LRRC1: variants seen among roughly 807,000 people sequenced by gnomAD.
LRRC1 encodes leucine-rich repeat-containing protein 1.
LRRC1 carries 28 observed loss-of-function variants against 69.9 expected under a neutral mutation model. The ratio of observed to expected loss-of-function variants is 0.40; its 90% CI spans 0.30 to 0.55. The LOEUF (loss-of-function observed/expected upper bound fraction) is 0.55. LRRC1 is among the 20% of genes least tolerant of loss of function. LRRC1 has a pLI of 0.47. For synonymous variants in LRRC1, 236 were observed against 240.2 expected (o/e 0.98, Z 0.16); for missense variants, 498 against 609.0 (o/e 0.82, Z 1.92).
At chr6:53,873,559 A>G (rs903018236) in intron 2 of LRRC1, among the ~76,000 whole-genome samples, 11 of 151,168 alleles carry the variant, frequency 7.3e-5, no homozygotes, top group African/African-American at 2.4e-4. Flanking sequence ...TCAGCCTCCC[A>G]AAGCGCTGGG....
In LRRC1 at chr6:53,922,843, G is replaced by T; in HGVS notation, c.*50G>T. On this transcript the variant is annotated 3_prime_UTR_variant, in exon 14 of 14. Coordinates refer to ENST00000370888, the MANE Select transcript of LRRC1 (RefSeq NM_018214.5). ...CTGTGTCTTCCTCTGCTGTCGAGAC[G>T]TTCCTGTCTGCTTCCCGGGAGCCTC... The T allele has an allele frequency of 3.8e-6, 6 of 1,567,256 alleles. No individual in the cohort carries two copies. The highest frequency in any genetic ancestry group is 5.2e-6 in the Non-Finnish European group (6 of 1,148,296).
intron 1 of LRRC1, among the ~76,000 whole-genome samples, chr6:53,796,343 A>G (rs953192165): frequency 6.6e-6 from 1 of 152,210 alleles, no homozygotes; most frequent in African/African-American, 2.4e-5. Flanking sequence ...GAACTTAGCT[A>G]GAGTAACCCC....
chr6:53,836,914 C>T (rs1320298120), intron 1 of LRRC1, among the ~76,000 whole-genome samples: 1 of 152,116 alleles, frequency 6.6e-6, no homozygotes, highest in African/African-American at 2.4e-5. Flanking sequence ...TTTATTGCCT[C>T]TGTATGCATC....
chr6:53,847,478 A>G (rs540138956), intron 2 of LRRC1, among the ~76,000 whole-genome samples: 1 of 152,336 alleles, frequency 6.6e-6, no homozygotes, highest in Non-Finnish European at 1.5e-5. Context: ...CTGCAGATAG[A>G]AAAAAACATG....
chr6:53,903,750 A>C (rs896699844), intron 9 of LRRC1, among the ~76,000 whole-genome samples: 5 of 152,140 alleles, frequency 3.3e-5, no homozygotes, highest in African/African-American at 1.2e-4. Flanking sequence ...GTGTGGTGGG[A>C]GTTACCAAAT....
intron 1 of LRRC1, among the ~76,000 whole-genome samples, chr6:53,799,339 C>T (rs1562020259): frequency 6.6e-6 from 1 of 152,196 alleles, no homozygotes; most frequent in Non-Finnish European, 1.5e-5. Flanking sequence ...AAAACATAAC[C>T]TCCATGAGTG....
intron 9 of LRRC1, among the ~76,000 whole-genome samples, chr6:53,903,601 TTCTC>T (rs1768136581): frequency 6.6e-6 from 1 of 151,920 alleles, no homozygotes; most frequent in Admixed American, 6.6e-5. Context: ...CTTTTCTCCT[TTCTC>T]TATAAATAGA....
intron 11 of LRRC1, among the ~76,000 whole-genome samples, chr6:53,917,020 G>A (rs1768586730): frequency 6.6e-6 from 1 of 152,124 alleles, no homozygotes; most frequent in South Asian, 2.1e-4. Flanking sequence ...GCGGGCTGTG[G>A]TTTCTTGTGC....
At chr6:53,795,886 G>A (rs1312342959) in intron 1 of LRRC1, among the ~76,000 whole-genome samples, 1 of 152,238 alleles carries the variant, frequency 6.6e-6, no homozygotes, top group Non-Finnish European at 1.5e-5. Context: ...GACCTGGGCA[G>A]CGCTCAAGCG....
intron 4 of LRRC1, among the ~76,000 whole-genome samples, chr6:53,889,046 A>G (rs1230825568): frequency 6.6e-6 from 1 of 152,198 alleles, no homozygotes; most frequent in Non-Finnish European, 1.5e-5. Flanking sequence ...TGGTTAAAGG[A>G]TTCGAATAGG....
intron 7 of LRRC1, among the ~76,000 whole-genome samples, chr6:53,898,393 A>T (rs1187721351): frequency 6.6e-6 from 1 of 152,210 alleles, no homozygotes; most frequent in African/African-American, 2.4e-5. Flanking sequence ...GATGGGAGAA[A>T]ACTATCATGA....
intron 2 of LRRC1, among the ~76,000 whole-genome samples, chr6:53,862,624 A>G (rs1766566760): frequency 6.6e-6 from 1 of 152,166 alleles, no homozygotes; most frequent in African/African-American, 2.4e-5. Context: ...ATTGTGCAAA[A>G]TAAAATTTTA....
rs375028249 is a variant in LRRC1 at position 53,797,759 on chromosome 6, G to A, written c.159+2344G>A. 7.2e-5 allele frequency among the ~76,000 whole-genome samples: 11 copies of A among 152,258 alleles called. 1 individual carries two copies. The highest frequency in any genetic ancestry group is 5.8e-4 in the East Asian group (3 of 5,182). On this transcript the variant is annotated intron_variant, in intron 1 of 13. Transcript: ENST00000370888. ...ACAGCCACCTTCTTTCCACTGAAAG[G>A]CCTGCAACTTCTGGTTTGCGCCAAT...
intron 4 of LRRC1, among the ~76,000 whole-genome samples, chr6:53,891,666 T>G (rs952912776): frequency 2.6e-5 from 4 of 152,126 alleles, no homozygotes; most frequent in African/African-American, 9.7e-5. Flanking sequence ...GAAGAAACTC[T>G]TTACTGAATA....
At chr6:53,872,479 T>C (rs1310586993) in intron 2 of LRRC1, among the ~76,000 whole-genome samples, 1 of 152,180 alleles carries the variant, frequency 6.6e-6, no homozygotes, top group Admixed American at 6.5e-5. Flanking sequence ...TGGTTACTAT[T>C]GCTTTGTAGT....
At chr6:53,908,334 C>T (rs767771213) in intron 10 of LRRC1, among the ~76,000 whole-genome samples, 8 of 152,184 alleles carry the variant, frequency 5.3e-5, no homozygotes, top group Non-Finnish European at 1.2e-4. Context: ...ATTTGCAGAT[C>T]ATTCATCAAA....
chr6:53,797,623 T>A (rs1764340862), intron 1 of LRRC1, among the ~76,000 whole-genome samples: 2 of 152,204 alleles, frequency 1.3e-5, no homozygotes, highest in Admixed American at 1.3e-4. Flanking sequence ...TTGGTGGCCA[T>A]ACCAGCTGTA....
chr6:53,807,951 A>G (rs60467893), intron 1 of LRRC1, among the ~76,000 whole-genome samples: 36,508 of 152,178 alleles, frequency 0.24, 4,563 homozygotes, highest in South Asian at 0.26. Flanking sequence ...GGGCAGAAAG[A>G]AGGCTAGTGC....
intron 2 of LRRC1, among the ~76,000 whole-genome samples, chr6:53,847,546 A>C (rs1391414803): frequency 6.6e-6 from 1 of 152,228 alleles, no homozygotes; most frequent in African/African-American, 2.4e-5. Context: ...CAAGAACTTA[A>C]AGGTAAGATA....
Sources: allele counts gnomAD v4.1 joint callset (sites outside exome capture counted in the v4.1 genomes callset), GRCh38; gene constraint gnomAD v4.1.1; transcripts MANE v1.5; gene names NCBI Gene and HGNC (gene_info 2026-07-23, HGNC 2026-07-21).